Variants in SGCZ observed in about 807,000 individuals in gnomAD.
The protein encoded by SGCZ is sarcoglycan zeta.
SGCZ carries 40 observed loss-of-function variants against 41.3 expected under a neutral mutation model. That is an observed-to-expected ratio of 0.97 (90% CI 0.75 to 1.26). SGCZ has a LOEUF of 1.26. SGCZ is among the 50% of genes most tolerant of loss of function. SGCZ has a pLI of 0.00. For missense variants in SGCZ, 552 were observed against 369.8 expected (o/e 1.49, Z -4.04); for synonymous variants, 206 against 137.5 (o/e 1.50, Z -3.49).
chr8:14,660,097 C>G (rs1173623163), intron 1 of SGCZ, among the ~76,000 whole-genome samples: 1 of 152,126 alleles, frequency 6.6e-6, no homozygotes, highest in Non-Finnish European at 1.5e-5. Flanking sequence ...TGAAATCAGA[C>G]CTCTAACCTC....
At chr8:15,173,959 C>A (rs542559679) in intron 1 of SGCZ, among the ~76,000 whole-genome samples, 2 of 152,130 alleles carry the variant, frequency 1.3e-5, no homozygotes, top group African/African-American at 4.8e-5. Context: ...TGGGCTCAAG[C>A]AATCCTTCCA....
intron 2 of SGCZ, among the ~76,000 whole-genome samples, chr8:14,466,907 G>A (rs1329770962): frequency 6.6e-6 from 1 of 151,636 alleles, no homozygotes. Context: ...TTGAAGACCA[G>A]TGTATTAAAA....
At chr8:14,929,397 T>C (rs564057750) in intron 1 of SGCZ, among the ~76,000 whole-genome samples, 1 of 152,150 alleles carries the variant, frequency 6.6e-6, no homozygotes, top group South Asian at 2.1e-4. Flanking sequence ...TTTCATACTA[T>C]GACAGTTTAA....
At chr8:14,249,831 A>T (rs1232432864) in intron 3 of SGCZ, among the ~76,000 whole-genome samples, 1 of 152,152 alleles carries the variant, frequency 6.6e-6, no homozygotes, top group African/African-American at 2.4e-5. Flanking sequence ...AAGATAAACC[A>T]AGCCCCTGAG....
At chr8:14,666,583 C>A (rs1165771282) in intron 1 of SGCZ, among the ~76,000 whole-genome samples, 1 of 149,988 alleles carries the variant, frequency 6.7e-6, no homozygotes, top group African/African-American at 2.5e-5. Flanking sequence ...GTAGATAAAC[C>A]AAAACATATT....
At chr8:14,286,068 G>A (rs1030490611) in intron 3 of SGCZ, among the ~76,000 whole-genome samples, 1 of 147,830 alleles carries the variant, frequency 6.8e-6, no homozygotes, top group Non-Finnish European at 1.5e-5. Flanking sequence ...TGCTAATGCA[G>A]TCAATGTATT....
At chr8:14,103,454 T>C (rs1394635068) in intron 6 of SGCZ, among the ~76,000 whole-genome samples, 3 of 152,178 alleles carry the variant, frequency 2.0e-5, no homozygotes, top group Non-Finnish European at 2.9e-5. Flanking sequence ...TCACATTCAC[T>C]GTTATCCAGC....
Position 14,108,193 on chromosome 8 carries a change from T to C in SGCZ, c.590A>G (p.His197Arg). The C allele has an allele frequency of 6.2e-7, 1 of 1,614,142 alleles. No individual in the cohort carries two copies. The highest frequency in any genetic ancestry group is 2.2e-5 in the East Asian group (1 of 44,868). ...AVFGHSVETPHIRAEPSQDLR... is the reference protein window; with the variant it reads ...AVFGHSVETPRIRAEPSQDLR... ...ATCTTGGGATGGCTCTGCTCTGATG[T>C]GCGGCGTCTCCACAGAGTGCCCAAA... The change falls in exon 6 of 8, where the codon CAC becomes CGC. Residue 197 changes from histidine (H) to arginine (R), a missense_variant. By Grantham distance (29) the His-to-Arg change is conservative (BLOSUM62 0). Transcript: ENST00000382080.
At chr8:14,097,061 T>C (rs1442681336) in intron 7 of SGCZ, among the ~76,000 whole-genome samples, 1 of 152,148 alleles carries the variant, frequency 6.6e-6, no homozygotes, top group Non-Finnish European at 1.5e-5. Flanking sequence ...CCTGGATTCA[T>C]TGATTTTTTG....
chr8:15,122,252 T>C (rs1310470144), intron 1 of SGCZ, among the ~76,000 whole-genome samples: 2 of 151,954 alleles, frequency 1.3e-5, no homozygotes, highest in Non-Finnish European at 2.9e-5. Context: ...CAAGAAAGGC[T>C]TAATGGGAAT....
chr8:14,317,725 G>A (rs1014153838), intron 3 of SGCZ, among the ~76,000 whole-genome samples: 1 of 151,808 alleles, frequency 6.6e-6, no homozygotes, highest in Admixed American at 6.6e-5. Flanking sequence ...ACTCAATACT[G>A]TCAGGTTAGT....
At chr8:14,988,140 G>A (rs981909561) in intron 1 of SGCZ, among the ~76,000 whole-genome samples, 9 of 151,606 alleles carry the variant, frequency 5.9e-5, no homozygotes, top group African/African-American at 2.2e-4. Flanking sequence ...GATATTTAGG[G>A]GATACATCTC....
At position 14,902,284 on chromosome 8, in the gene SGCZ, T is replaced by A. The variant is rs1193784330; in HGVS notation, c.39+335301A>T. Among the ~76,000 whole-genome samples the A allele has an allele frequency of 8.5e-5, 13 of 152,088 alleles. No individual in the cohort carries two copies. The East Asian group carries it at 2.3e-3, about 27-fold the overall frequency. On this transcript the variant is annotated intron_variant, in intron 1 of 7. Coordinates refer to ENST00000382080, the MANE Select transcript of SGCZ (RefSeq NM_139167.4). ...GGTCTTTTACTTGTTTCTCTTGTCT[T>A]CCGTTCTTAATCTTTTCTTCTACAG...
chr8:14,275,102 T>A (rs898027761), intron 3 of SGCZ, among the ~76,000 whole-genome samples: 1 of 152,200 alleles, frequency 6.6e-6, no homozygotes, highest in African/African-American at 2.4e-5. Context: ...CACAAGGTGC[T>A]GAAAACATGT....
At chr8:15,219,448 C>T (rs992229760) in intron 1 of SGCZ, among the ~76,000 whole-genome samples, 5 of 152,050 alleles carry the variant, frequency 3.3e-5, no homozygotes, top group South Asian at 2.1e-4. Flanking sequence ...TCCTATTATT[C>T]GTTGGTCAAA....
At chr8:14,326,111 C>CAAAA (rs56152915) in intron 2 of SGCZ, among the ~76,000 whole-genome samples, 3 of 37,900 alleles carry the variant, frequency 7.9e-5, no homozygotes, top group Non-Finnish European at 1.3e-4. Context: ...GACTCCGTCT[C>CAAAA]AAAAAAAAAA....
At chr8:14,672,193 C>A (rs1808125865) in intron 1 of SGCZ, among the ~76,000 whole-genome samples, 1 of 152,058 alleles carries the variant, frequency 6.6e-6, no homozygotes, top group Non-Finnish European at 1.5e-5. Flanking sequence ...ACTCATCTGG[C>A]AGTTAACTAT....
intron 1 of SGCZ, among the ~76,000 whole-genome samples, chr8:14,824,089 A>G (rs1309238582): frequency 6.6e-6 from 1 of 152,130 alleles, no homozygotes; most frequent in Non-Finnish European, 1.5e-5. Context: ...ACCAGAGACT[A>G]GGGAAGCAAA....
chr8:14,944,839 T>C (rs553462451), intron 1 of SGCZ, among the ~76,000 whole-genome samples: 25 of 152,222 alleles, frequency 1.6e-4, no homozygotes, highest in African/African-American at 5.8e-4. Context: ...CACACCATCA[T>C]AAAGTTGAAA....
Sources: allele counts gnomAD v4.1 joint callset (sites outside exome capture counted in the v4.1 genomes callset), GRCh38; gene constraint gnomAD v4.1.1; transcripts MANE v1.5; gene names NCBI Gene and HGNC (gene_info 2026-07-23, HGNC 2026-07-21).